CADPS2: variants seen among roughly 807,000 people sequenced by gnomAD.
The protein encoded by CADPS2 is calcium-dependent secretion activator 2.
Under a neutral mutation model 172.5 loss-of-function variants are expected in CADPS2, and 93 were observed. The ratio of observed to expected loss-of-function variants is 0.54; its 90% CI spans 0.46 to 0.64. CADPS2 has a LOEUF of 0.64. CADPS2 is among the 30% of genes least tolerant of loss of function. CADPS2 has a pLI of 0.00. For synonymous variants in CADPS2, 546 were observed against 555.2 expected, an observed-to-expected ratio of 0.98 and a Z score of 0.23; for missense variants, 1,420 against 1,565.9, an observed-to-expected ratio of 0.91 and a Z score of 1.57.
intron 1 of CADPS2, among the ~76,000 whole-genome samples, chr7:122,873,992 C>T (rs1172833248): frequency 2.0e-5 from 3 of 151,878 alleles, no homozygotes; most frequent in Non-Finnish European, 4.4e-5. Flanking sequence ...ATATCCTTCA[C>T]CCACTTTTTG....
intron 1 of CADPS2, among the ~76,000 whole-genome samples, chr7:122,840,637 C>A (rs189524663): frequency 6.6e-5 from 10 of 151,294 alleles, no homozygotes; most frequent in African/African-American, 1.9e-4. Flanking sequence ...CCAGGAGAGG[C>A]AGGCATGGTG....
chr7:122,429,690 G>C (rs1057229908), intron 17 of CADPS2, among the ~76,000 whole-genome samples: 1 of 151,968 alleles, frequency 6.6e-6, no homozygotes, highest in Non-Finnish European at 1.5e-5. Flanking sequence ...GGTGCCTATG[G>C]GAACATGAAA....
chr7:122,537,094 A>G (rs950452515), intron 8 of CADPS2, among the ~76,000 whole-genome samples: 8 of 152,036 alleles, frequency 5.3e-5, no homozygotes, highest in Non-Finnish European at 1.5e-5. Context: ...TAGATGATAA[A>G]ATAATCTGTA....
intron 8 of CADPS2, among the ~76,000 whole-genome samples, chr7:122,538,888 T>C (rs2062614152): frequency 6.6e-6 from 1 of 151,942 alleles, no homozygotes; most frequent in Non-Finnish European, 1.5e-5. Flanking sequence ...GAGGATCAAA[T>C]AGGTAAAATG....
At chr7:122,354,033 C>G (rs1222105154) in intron 27 of CADPS2, among the ~76,000 whole-genome samples, 2 of 151,840 alleles carry the variant, frequency 1.3e-5, no homozygotes. Flanking sequence ...ATTTCCAGAT[C>G]CCATTAACTA....
intron 1 of CADPS2, among the ~76,000 whole-genome samples, chr7:122,809,411 A>G (rs1342662144): frequency 7.0e-6 from 1 of 142,066 alleles, no homozygotes; most frequent in Non-Finnish European, 1.5e-5. Context: ...CTACTAAAAA[A>G]AAAAAAAAGA....
In CADPS2 at chr7:122,652,291, T is replaced by TCC. The variant is rs924944102; in HGVS notation, c.786+10945_786+10946insGG. 1.2e-4 allele frequency among the ~76,000 whole-genome samples: 18 copies of TCC among 152,322 alleles called. No individual in the cohort carries two copies. In the South Asian group the frequency reaches 3.7e-3, roughly 32 times the overall value. ...CTCTGCATGATTATAGATAATGGGT[T>TCC]AACTAATTAATTTGAACATACTGCA... On this transcript the variant is annotated intron_variant, in intron 3 of 29. Transcript: ENST00000449022.
intron 1 of CADPS2, among the ~76,000 whole-genome samples, chr7:122,873,304 T>C (rs565590888): frequency 2.0e-5 from 3 of 152,176 alleles, no homozygotes; most frequent in Non-Finnish European, 2.9e-5. Context: ...GTATTTCTCA[T>C]AATGCTCTCC....
chr7:122,367,054 C>T (rs2041010373), intron 25 of CADPS2, among the ~76,000 whole-genome samples: 1 of 152,146 alleles, frequency 6.6e-6, no homozygotes, highest in South Asian at 2.1e-4. Flanking sequence ...GCTAAAGGCT[C>T]CTAATATCGT....
At chr7:122,696,849 T>C (rs1398801299) in intron 2 of CADPS2, among the ~76,000 whole-genome samples, 1 of 152,220 alleles carries the variant, frequency 6.6e-6, no homozygotes, top group Admixed American at 6.5e-5. Context: ...CAAAGATATT[T>C]ATCATTCACT....
chr7:122,655,116 C>T (rs10248746), intron 3 of CADPS2, among the ~76,000 whole-genome samples: 2,149 of 152,178 alleles, frequency 0.014, 46 homozygotes, highest in African/African-American at 0.047. Flanking sequence ...TTCTTATGGA[C>T]GAACAAAGAA....
intron 2 of CADPS2, among the ~76,000 whole-genome samples, chr7:122,714,605 A>G (rs1217658887): frequency 6.6e-6 from 1 of 152,154 alleles, no homozygotes; most frequent in Admixed American, 6.6e-5. Flanking sequence ...ACCAAAACAA[A>G]TACATACAAG....
chr7:122,551,577 G>A (rs1011114392), intron 8 of CADPS2, among the ~76,000 whole-genome samples: 1 of 151,980 alleles, frequency 6.6e-6, no homozygotes. Context: ...CAGAGAATAG[G>A]TTTTTACTAC....
Position 122,549,541 on chromosome 7 carries a change from A to G in CADPS2, c.1475+5009T>C, listed in dbSNP as rs191658625. On this transcript the variant is annotated intron_variant, in intron 8 of 29. Transcript: ENST00000449022. ...GAGACTGAAGTGGGAGGACTGCTTA[A>G]GCCTAGGAGGTGGAGGTTGCAGTGA... Among the ~76,000 whole-genome samples, 23 of 152,102 alleles carry G rather than the reference A, an allele frequency of 1.5e-4. No individual in the cohort carries two copies. In the East Asian group the frequency reaches 4.3e-3, roughly 28 times the overall value.
chr7:122,408,433 TA>T (rs1464656173), intron 19 of CADPS2, among the ~76,000 whole-genome samples: 2 of 152,138 alleles, frequency 1.3e-5, no homozygotes, highest in African/African-American at 4.8e-5. Flanking sequence ...TCATTTCATT[TA>T]TTTTTTTTGA....
rs2069620718 is a variant in CADPS2 at position 122,585,987 on chromosome 7, TG to T, written c.1224-4698del. Among the ~76,000 whole-genome samples the T allele has an allele frequency of 2.0e-5, 3 of 152,104 alleles. No individual in the cohort carries two copies. In the South Asian group the frequency reaches 6.2e-4, roughly 31 times the overall value. ...AAAAGAGTCTAAGCAGAAACATTCA[TG>T]ACAGCATTATGTATAACAGTAAACA... is the stretch of plus-strand genomic sequence containing the variant. On this transcript the variant is annotated intron_variant, in intron 6 of 29. Transcript: ENST00000449022.
At chr7:122,784,094 C>A (rs1387293615) in intron 1 of CADPS2, among the ~76,000 whole-genome samples, 1 of 152,102 alleles carries the variant, frequency 6.6e-6, no homozygotes, top group African/African-American at 2.4e-5. Flanking sequence ...TGACTCTATT[C>A]TTTGAAAATA....
At chr7:122,873,269 T>C (rs1585074768) in intron 1 of CADPS2, among the ~76,000 whole-genome samples, 1 of 152,288 alleles carries the variant, frequency 6.6e-6, no homozygotes, top group African/African-American at 2.4e-5. Context: ...AGTGGTTTCC[T>C]GCACCACTAT....
intron 9 of CADPS2, among the ~76,000 whole-genome samples, chr7:122,501,666 C>T (rs1179976545): frequency 2.6e-5 from 4 of 151,658 alleles, no homozygotes; most frequent in East Asian, 2.0e-4. Context: ...TGGCTAACAC[C>T]GTAGAAAATG....
Sources: allele counts gnomAD v4.1 joint callset (sites outside exome capture counted in the v4.1 genomes callset), GRCh38; gene constraint gnomAD v4.1.1; transcripts MANE v1.5; gene names NCBI Gene and HGNC (gene_info 2026-07-23, HGNC 2026-07-21).